The following NDST4 variants were observed in gnomAD, a reference collection of about 807,000 sequenced individuals.
The protein encoded by NDST4 is N-deacetylase and N-sulfotransferase 4.
A neutral mutation model predicts 100.8 loss-of-function variants in NDST4; 63 were observed. That is an observed-to-expected ratio of 0.62 (90% CI 0.51 to 0.77). The LOEUF (loss-of-function observed/expected upper bound fraction) is 0.77, where lower values mean the gene tolerates loss of function less well. Among genes scored for constraint, NDST4 ranks in the 30% least tolerant of loss-of-function variants. The pLI, the probability that NDST4 is intolerant of heterozygous loss-of-function variation, is 0.00. For missense variants in NDST4, 943 were observed against 1,018.4 expected (o/e 0.93, Z 1.01); for synonymous variants, 377 against 361.8 (o/e 1.04, Z -0.48).
chr4:114,902,242 T>A (rs1578377058), intron 6 of NDST4, among the ~76,000 whole-genome samples: 4 of 151,972 alleles, frequency 2.6e-5, no homozygotes, highest in African/African-American at 9.7e-5. Flanking sequence ...TTTAAAAAAA[T>A]TTTTTCGCAC....
In NDST4 at chr4:115,031,261, C is replaced by T. The variant is rs959222919; in HGVS notation, c.978+44798G>A. 2.0e-5 allele frequency among the ~76,000 whole-genome samples: 3 copies of T among 151,942 alleles called. No individual in the cohort carries two copies. In the South Asian group the frequency reaches 6.2e-4, roughly 31 times the overall value. On this transcript the variant is annotated intron_variant, in intron 2 of 13. Transcript: ENST00000264363. ...GTTGTTGTCATTGTTGTTTTTAATG[C>T]CTCCTGCTCCAGACATGTTGCTCTG...
At chr4:114,977,373 T>C in intron 2 of NDST4, 99 bp from the exon 3 acceptor site, 1 of 661,900 alleles carries the variant, frequency 1.5e-6, no homozygotes. Flanking sequence ...AACAAAATGA[T>C]ATGAGCTTTC....
At chr4:115,029,367 T>C (rs1202838218) in intron 2 of NDST4, among the ~76,000 whole-genome samples, 1 of 152,076 alleles carries the variant, frequency 6.6e-6, no homozygotes, top group African/African-American at 2.4e-5. Flanking sequence ...GTTAAGGCAT[T>C]GGTTTTAAAC....
At chr4:114,855,202 A>G in intron 7 of NDST4, among the ~76,000 whole-genome samples, 1 of 151,848 alleles carries the variant, frequency 6.6e-6, no homozygotes, top group Middle Eastern at 3.2e-3. Context: ...TCAGATGGGT[A>G]GTTGCAAATA....
intron 4 of NDST4, among the ~76,000 whole-genome samples, chr4:114,961,816 G>T (rs1045245637): frequency 6.6e-6 from 1 of 152,086 alleles, no homozygotes; most frequent in Middle Eastern, 3.4e-3. Flanking sequence ...GAAGAGCAAA[G>T]AATATTTCTC....
chr4:114,933,851 G>T (rs1328419292), intron 6 of NDST4, among the ~76,000 whole-genome samples: 1 of 152,086 alleles, frequency 6.6e-6, no homozygotes, highest in African/African-American at 2.4e-5. Context: ...AAAGATGAAA[G>T]ATAACAAAGT....
At chr4:114,993,684 T>C (rs1727099107) in intron 2 of NDST4, among the ~76,000 whole-genome samples, 1 of 151,994 alleles carries the variant, frequency 6.6e-6, no homozygotes, top group Non-Finnish European at 1.5e-5. Context: ...GTGTGAAATA[T>C]GGAAACCTGT....
At chr4:115,059,221 A>C (rs1728765802) in intron 2 of NDST4, among the ~76,000 whole-genome samples, 1 of 152,070 alleles carries the variant, frequency 6.6e-6, no homozygotes, top group South Asian at 2.1e-4. Flanking sequence ...ATCATAACCA[A>C]AGAAAACAGA....
At chr4:115,100,313 C>T (rs1188351515) in intron 1 of NDST4, among the ~76,000 whole-genome samples, 2 of 151,990 alleles carry the variant, frequency 1.3e-5, no homozygotes, top group African/African-American at 4.8e-5. Flanking sequence ...AGTGTGTGCC[C>T]TGATGTAATC....
intron 7 of NDST4, among the ~76,000 whole-genome samples, chr4:114,863,308 G>T (rs1193573291): frequency 2.6e-5 from 4 of 152,166 alleles, no homozygotes; most frequent in Non-Finnish European, 5.9e-5. Context: ...TTTTATTTAG[G>T]CCCTGCTGAA....
intron 4 of NDST4, among the ~76,000 whole-genome samples, chr4:114,947,133 C>T (rs780285394): frequency 1.6e-4 from 25 of 151,968 alleles, no homozygotes; most frequent in Non-Finnish European, 3.2e-4. Flanking sequence ...TAGAAGGTCC[C>T]CTTGGGGTCT....
chr4:115,051,659 A>T (rs1728586728), intron 2 of NDST4, among the ~76,000 whole-genome samples: 1 of 152,074 alleles, frequency 6.6e-6, no homozygotes, highest in Non-Finnish European at 1.5e-5. Flanking sequence ...TTAACCATTC[A>T]TCTGTTGGTA....
In NDST4 at chr4:114,836,314, C is replaced by A. The variant is rs185667994; in HGVS notation, c.2287-2599G>T. Among the ~76,000 whole-genome samples, 59 of 152,246 alleles carry A rather than the reference C, an allele frequency of 3.9e-4. 1 individual carries two copies. The highest frequency in any genetic ancestry group is 1.3e-3 in the African/African-American group (56 of 41,558). On this transcript the variant is annotated intron_variant, in intron 11 of 13. Coordinates refer to ENST00000264363, the MANE Select transcript of NDST4 (RefSeq NM_022569.3). ...TCTTGTAAGGCAGGCCTGGTGGTGA[C>A]AAAATCCCTCAGCATTTGCTTCTCT...
intron 2 of NDST4, among the ~76,000 whole-genome samples, chr4:115,049,040 CTA>C (rs1245584502): frequency 1.3e-5 from 2 of 152,084 alleles, no homozygotes; most frequent in African/African-American, 4.8e-5. Flanking sequence ...CTCATGGATA[CTA>C]TGTTTTCTCT....
chr4:114,904,823 C>A (rs760445392), intron 6 of NDST4, among the ~76,000 whole-genome samples: 1 of 151,862 alleles, frequency 6.6e-6, no homozygotes, highest in Non-Finnish European at 1.5e-5. Flanking sequence ...CTGTAGGCCA[C>A]ACTTGTGCTA....
At chr4:114,930,111 C>A (rs1233628148) in intron 6 of NDST4, among the ~76,000 whole-genome samples, 1 of 152,190 alleles carries the variant, frequency 6.6e-6, no homozygotes, top group Non-Finnish European at 1.5e-5. Context: ...TTAACATTTA[C>A]ATCTCAATTT....
intron 2 of NDST4, among the ~76,000 whole-genome samples, chr4:114,984,422 C>CTGCATCAG (rs3043339): frequency 7.3e-5 from 11 of 151,560 alleles, no homozygotes; most frequent in African/African-American, 2.4e-4. Context: ...TGTGATCCAC[C>CTGCATCAG]CATCCCAAAG....
intron 6 of NDST4, among the ~76,000 whole-genome samples, chr4:114,890,154 T>C (rs1057341980): frequency 2.3e-4 from 35 of 149,562 alleles, no homozygotes; most frequent in African/African-American, 7.9e-4. Context: ...AAATTGTTAG[T>C]AGTTAACAAT....
chr4:115,047,340 A>G (rs1728483958), intron 2 of NDST4, among the ~76,000 whole-genome samples: 1 of 152,110 alleles, frequency 6.6e-6, no homozygotes, highest in Non-Finnish European at 1.5e-5. Context: ...TATTGTTGAT[A>G]AATACTTTTC....
Sources: allele counts gnomAD v4.1 joint callset (sites outside exome capture counted in the v4.1 genomes callset), GRCh38; gene constraint gnomAD v4.1.1; transcripts MANE v1.5; gene names NCBI Gene and HGNC (gene_info 2026-07-23, HGNC 2026-07-21).